The following KCNQ1 variants were observed in gnomAD, a reference collection of about 807,000 sequenced individuals.
The protein encoded by KCNQ1 is potassium voltage-gated channel subfamily KQT member 1.
In KCNQ1, 49 loss-of-function variants were observed where a neutral mutation model predicts 72.4. The observed-to-expected ratio is 0.68, with a 90% confidence interval of 0.54 to 0.86. KCNQ1 has a LOEUF of 0.86. Ranked by LOEUF, KCNQ1 falls within the 40% of genes least tolerant of loss-of-function variation. The probability of loss-of-function intolerance (pLI) is 0.00; values close to 1 mark genes in which losing one functional copy is unlikely to be tolerated. For missense variants in KCNQ1, 790 were observed against 945.1 expected, an observed-to-expected ratio of 0.84 and a Z score of 2.15; for synonymous variants, 450 against 412.6, an observed-to-expected ratio of 1.09 and a Z score of -1.10.
rs1244859004 is a variant in KCNQ1 at position 2,492,380 on chromosome 11, A to G, written c.387-35548A>G. 6.6e-6 allele frequency among the ~76,000 whole-genome samples: 1 copy of G among 152,200 alleles called. No homozygotes were observed. The highest frequency in any genetic ancestry group is 1.5e-5 in the Non-Finnish European group (1 of 68,028). On this transcript the variant is annotated intron_variant, in intron 1 of 15. Coordinates refer to ENST00000155840, the MANE Select transcript of KCNQ1 (RefSeq NM_000218.3). The surrounding 1 kb of genome is among the most constrained non-coding windows in gnomAD (Gnocchi z 4.1). ...TTTGTTTTACTTTAAGTTCTGGAAT[A>G]CGTGTGCTGAACGTGCAGGTTTGTT...
In KCNQ1 at chr11:2,710,137, C is replaced by T. The variant is rs894309401; in HGVS notation, c.1514+48056C>T. ...ATGTGAGTTCCTATCTCTCCACATT[C>T]TCACCAACACTTGTTACTGTCTGCC... On this transcript the variant is annotated intron_variant, in intron 11 of 15. Coordinates refer to ENST00000155840, the MANE Select transcript of KCNQ1 (RefSeq NM_000218.3). This position sits in a 1 kb window ranked among gnomAD's most constrained non-coding sequence, Gnocchi z 4.1. 1.1e-4 allele frequency among the ~76,000 whole-genome samples: 17 copies of T among 152,338 alleles called. No individual in the cohort carries two copies. The highest frequency in any genetic ancestry group is 4.1e-4 in the African/African-American group (17 of 41,580).
rs1849182124 is a variant in KCNQ1, at chr11:2,622,060, A to G, written c.1393+33206A>G. 4 of 393,678 alleles carry G rather than the reference A, an allele frequency of 1.0e-5. No homozygotes were observed. The South Asian group carries it at 5.2e-4, about 51-fold the overall frequency. The allele number at this position is 393,678 out of a possible 1,614,324, so 24.4% of individuals were successfully genotyped here. On this transcript the variant is annotated intron_variant, in intron 10 of 15. Coordinates refer to ENST00000155840, the MANE Select transcript of KCNQ1 (RefSeq NM_000218.3). ...TTTTGCTGCATGTTTTGCTTTTGGT[A>G]TGTTGTGTTCCCACTGTCATTTGTC...
chr11:2,637,893 T>C (rs1034984724), intron 10 of KCNQ1: 2 of 152,246 alleles, frequency 1.3e-5, no homozygotes, highest in African/African-American at 2.4e-5. Context: ...ATATTTAAGA[T>C]AGTTAGCTCT....
intron 11 of KCNQ1, among the ~76,000 whole-genome samples, chr11:2,722,497 C>A (rs1408694634): frequency 6.6e-6 from 1 of 152,026 alleles, no homozygotes; most frequent in Non-Finnish European, 1.5e-5. Context: ...GCTTGGTCAC[C>A]CCCAGGAGGA....
At position 2,734,512 on chromosome 11, in the gene KCNQ1, C is replaced by T. The variant is rs751637755; in HGVS notation, c.1515-34332C>T. 2.0e-5 allele frequency among the ~76,000 whole-genome samples: 3 copies of T among 152,122 alleles called. No individual in the cohort carries two copies. Among genetic ancestry groups the T allele is most frequent in the Non-Finnish European group, 4.4e-5 (3 of 68,022 alleles). ...GCAGAATGTGGGGAGCAGGGTAGGA[C>T]GGGCCCCTTGGCTGAGAGCCAGATG... is the stretch of plus-strand genomic sequence containing the variant. On this transcript the variant is annotated intron_variant, in intron 11 of 15. Transcript: ENST00000155840. This position sits in a 1 kb window ranked among gnomAD's most constrained non-coding sequence, Gnocchi z 7.0.
At chr11:2,551,819 A>T (rs2133694693) in intron 2 of KCNQ1, among the ~76,000 whole-genome samples, 1 of 152,348 alleles carries the variant, frequency 6.6e-6, no homozygotes, top group South Asian at 2.1e-4. Flanking sequence ...ATATTCCGTC[A>T]TGGTCTTCAT....
chr11:2,630,469 T>C lies in KCNQ1; in HGVS notation c.1394-31492T>C, dbSNP rs1849335358. The C allele has an allele frequency of 7.5e-6, 3 of 398,382 alleles. No individual in the cohort carries two copies. In the East Asian group the frequency reaches 1.1e-4, roughly 14 times the overall value. 24.7% of individuals were successfully genotyped at this position (398,382 alleles called of 1,614,324 possible). On this transcript the variant is annotated intron_variant, in intron 10 of 15. Transcript: ENST00000155840. ...TCCCTCTTTGTTTGGGGGGAATATTTTGATCTTATACTTCCCCCGCTACAT... is the reference window on the plus strand; with the variant it reads ...TCCCTCTTTGTTTGGGGGGAATATTCTGATCTTATACTTCCCCCGCTACAT...
chr11:2,546,300 C>T (rs1433464995), intron 2 of KCNQ1, among the ~76,000 whole-genome samples: 2 of 152,132 alleles, frequency 1.3e-5, no homozygotes, highest in East Asian at 3.8e-4. Context: ...GCTATAGAAA[C>T]ACTTAATATA....
At chr11:2,694,026 CA>C (rs1265493922) in intron 11 of KCNQ1, 15 of 398,622 alleles carry the variant, frequency 3.8e-5, no homozygotes, top group African/African-American at 3.1e-4. Context: ...GGTCAAGCCA[CA>C]GGTGCCCATG....
chr11:2,747,978 G>C (rs1186142041), intron 11 of KCNQ1, among the ~76,000 whole-genome samples: 1 of 152,142 alleles, frequency 6.6e-6, no homozygotes, highest in African/African-American at 2.4e-5. Flanking sequence ...ACCAGAACCG[G>C]CTGCTTCCAC....
intron 15 of KCNQ1, among the ~76,000 whole-genome samples, chr11:2,795,779 C>T (rs1847116089): frequency 6.6e-6 from 1 of 152,232 alleles, no homozygotes; most frequent in African/African-American, 2.4e-5. Context: ...TGCCTTTCCC[C>T]GGGTCCATGA....
At chr11:2,470,471 G>A (rs1846428994) in intron 1 of KCNQ1, among the ~76,000 whole-genome samples, 1 of 152,148 alleles carries the variant, frequency 6.6e-6, no homozygotes, top group Non-Finnish European at 1.5e-5. Context: ...GGAGGCGGAA[G>A]AACATCTCGT....
rs770123295 is a variant in KCNQ1, at chr11:2,822,273, G to A, written c.1795-25494G>A. On this transcript the variant is annotated intron_variant, in intron 15 of 15. Transcript: ENST00000155840. ...TCCAGTGCTGCAAGATGTCACACAC[G>A]TGTTGCGCTATGCTTGTGGTAACAT... Among the ~76,000 whole-genome samples, 8 of 152,310 alleles carry A rather than the reference G, an allele frequency of 5.3e-5. No homozygotes were observed. The East Asian group carries it at 7.7e-4, about 15-fold the overall frequency.
intron 11 of KCNQ1, chr11:2,688,784 C>T (rs1372598227): frequency 2.5e-6 from 1 of 398,672 alleles, no homozygotes; most frequent in Non-Finnish European, 4.4e-6. Context: ...CACCTATATA[C>T]TTGCCCTCCC....
intron 10 of KCNQ1, chr11:2,649,371 C>T: frequency 2.5e-6 from 1 of 398,322 alleles, no homozygotes; most frequent in Non-Finnish European, 4.4e-6. Context: ...TGTATCTGCT[C>T]TACTAGTGTT....
intron 11 of KCNQ1, among the ~76,000 whole-genome samples, chr11:2,717,046 A>C (rs1224652236): frequency 6.6e-6 from 1 of 152,168 alleles, no homozygotes; most frequent in Admixed American, 6.5e-5. Flanking sequence ...AGCCCCCCAG[A>C]TGTCCTGCCC....
Position 2,664,332 on chromosome 11 carries a change from C to T in KCNQ1, c.1514+2251C>T, listed in dbSNP as rs969456495. On this transcript the variant is annotated intron_variant, in intron 11 of 15. Transcript: ENST00000155840. The surrounding 1 kb of genome is among the most constrained non-coding windows in gnomAD (Gnocchi z 5.1). The stretch of plus-strand genomic sequence containing the variant: ...GGTCAGGGAAGACTCAGGGCTGAGG[C>T]TTCAGGGGAGCTGGGTTCCTGCATC... 2.5e-6 allele frequency: 1 copy of T among 398,776 alleles called. No individual in the cohort carries two copies. The highest frequency in any genetic ancestry group is 4.4e-6 in the Non-Finnish European group (1 of 226,272). The allele number at this position is 398,776 out of a possible 1,614,324, so 24.7% of individuals were successfully genotyped here.
rs1848716510 is a variant in KCNQ1, at chr11:2,595,065, G to T, written c.1393+6211G>T. Among the ~76,000 whole-genome samples the T allele has an allele frequency of 6.6e-6, 1 of 152,166 alleles. No individual in the cohort carries two copies. Among genetic ancestry groups the T allele is most frequent in the Non-Finnish European group, 1.5e-5 (1 of 68,026 alleles). On this transcript the variant is annotated intron_variant, in intron 10 of 15. Coordinates refer to ENST00000155840, the MANE Select transcript of KCNQ1 (RefSeq NM_000218.3). This position sits in a 1 kb window ranked among gnomAD's most constrained non-coding sequence, Gnocchi z 5.0. ...CAGTGAACCAATCCAGGACCTTCAT[G>T]ATCCATGTTTTAGATATGGGATCTT...
intron 11 of KCNQ1, among the ~76,000 whole-genome samples, chr11:2,731,289 C>G (rs1442831972): frequency 6.6e-6 from 1 of 152,232 alleles, no homozygotes; most frequent in Non-Finnish European, 1.5e-5. Flanking sequence ...CCTCACCGCC[C>G]ATGCACCCCA....
Sources: allele counts gnomAD v4.1 joint callset (sites outside exome capture counted in the v4.1 genomes callset), GRCh38; gene constraint gnomAD v4.1.1; non-coding constraint Gnocchi (gnomAD v3.1); transcripts MANE v1.5; gene names NCBI Gene and HGNC (gene_info 2026-07-23, HGNC 2026-07-21).